Variants in NRXN3 observed in about 807,000 individuals in gnomAD.
NRXN3 encodes the protein neurexin III.
Under a neutral mutation model 137.6 loss-of-function variants are expected in NRXN3, and 32 were observed. The ratio of observed to expected loss-of-function variants is 0.23; its 90% CI spans 0.18 to 0.31. The LOEUF (loss-of-function observed/expected upper bound fraction) is 0.31, where lower values mean the gene tolerates loss of function less well. Ranked by LOEUF, NRXN3 falls within the 10% of genes least tolerant of loss-of-function variation. The pLI, the probability that NRXN3 is intolerant of heterozygous loss-of-function variation, is 1.00. For missense variants in NRXN3, 1,574 were observed against 2,062.5 expected, an observed-to-expected ratio of 0.76 and a Z score of 4.59; for synonymous variants, 798 against 784.5, an observed-to-expected ratio of 1.02 and a Z score of -0.29.
intron 15 of NRXN3, among the ~76,000 whole-genome samples, chr14:79,176,836 C>G (rs905127391): frequency 6.6e-6 from 1 of 152,178 alleles, no homozygotes; most frequent in Non-Finnish European, 1.5e-5. Flanking sequence ...TGACTCTTCA[C>G]CCATCAGAAA....
chr14:79,385,204 TCC>T (rs557799323), intron 15 of NRXN3, among the ~76,000 whole-genome samples: 5 of 90,504 alleles, frequency 5.5e-5, no homozygotes, highest in African/African-American at 1.8e-4. Flanking sequence ...ATGCTATCCT[TCC>T]CCCCGCCCCC....
At chr14:78,374,646 T>C (rs1376735847) in intron 4 of NRXN3, among the ~76,000 whole-genome samples, 1 of 151,892 alleles carries the variant, frequency 6.6e-6, no homozygotes, top group Non-Finnish European at 1.5e-5. Context: ...ATCCTTCGCC[T>C]ATAATCCCAG....
intron 15 of NRXN3, among the ~76,000 whole-genome samples, chr14:79,169,928 A>G (rs2061621095): frequency 6.6e-6 from 1 of 152,030 alleles, no homozygotes; most frequent in Non-Finnish European, 1.5e-5. Context: ...TACAGAATAC[A>G]TTGTTCTTTG....
intron 15 of NRXN3, among the ~76,000 whole-genome samples, chr14:79,463,190 C>A (rs1297733007): frequency 6.6e-6 from 1 of 152,192 alleles, no homozygotes; most frequent in African/African-American, 2.4e-5. Flanking sequence ...AATTTAAGAA[C>A]CTTGGAGAAA....
chr14:78,218,612 A>G lies in NRXN3; in HGVS notation c.-703-23779A>G, dbSNP rs74065917. ...ATACCAAAGGCCCCAGGAGTCCTCA[A>G]TCAGTTGCTAAGAAGAATGAAATTG... On this transcript the variant is annotated intron_variant, in intron 1 of 20. Transcript: ENST00000335750. Among the ~76,000 whole-genome samples, 1,071 of 152,314 alleles carry G rather than the reference A, an allele frequency of 7.0e-3. 12 individuals are homozygous for G. The highest frequency in any genetic ancestry group is 0.025 in the African/African-American group (1,024 of 41,558).
At chr14:78,297,887 C>A (rs1372680220) in intron 4 of NRXN3, 27 bp downstream of exon 4, 2 of 1,536,186 alleles carry the variant, frequency 1.3e-6, no homozygotes, top group Non-Finnish European at 1.7e-6. Flanking sequence ...TGTGGTCCTG[C>A]AGCTGCCTGA....
chr14:79,359,775 T>C (rs1478848888), intron 15 of NRXN3, among the ~76,000 whole-genome samples: 2 of 151,970 alleles, frequency 1.3e-5, no homozygotes, highest in Non-Finnish European at 2.9e-5. Context: ...TTCACCATGT[T>C]GAGCAGAGCA....
chr14:78,437,204 A>G (rs2094097435), intron 4 of NRXN3, among the ~76,000 whole-genome samples: 1 of 152,202 alleles, frequency 6.6e-6, no homozygotes, highest in South Asian at 2.1e-4. Context: ...TGAAGAAACC[A>G]AGGCATGGAA....
At chr14:78,706,111 A>G (rs1354889714) in intron 6 of NRXN3, among the ~76,000 whole-genome samples, 1 of 151,996 alleles carries the variant, frequency 6.6e-6, no homozygotes, top group East Asian at 1.9e-4. Flanking sequence ...TTATTGTTCC[A>G]TGGAGCCAAA....
chr14:79,829,567 G>A (rs2099316451), intron 20 of NRXN3, among the ~76,000 whole-genome samples: 1 of 152,156 alleles, frequency 6.6e-6, no homozygotes, highest in African/African-American at 2.4e-5. Flanking sequence ...GCAGCAACCT[G>A]AATCAGTTAT....
intron 15 of NRXN3, among the ~76,000 whole-genome samples, chr14:79,074,003 A>C (rs558877301): frequency 2.0e-5 from 3 of 152,334 alleles, no homozygotes; most frequent in Non-Finnish European, 4.4e-5. Context: ...GGCACAATAT[A>C]CATTTTTGTT....
At chr14:78,580,520 C>A (rs933206763) in intron 4 of NRXN3, among the ~76,000 whole-genome samples, 30 of 152,160 alleles carry the variant, frequency 2.0e-4, no homozygotes, top group Non-Finnish European at 7.3e-5. Flanking sequence ...CCCTGTGTGT[C>A]CTTTCCCTCC....
chr14:79,805,070 C>A, intron 19 of NRXN3, 42 bp from the exon 20 acceptor site: 1 of 1,392,070 alleles, frequency 7.2e-7, no homozygotes, highest in Non-Finnish European at 1.0e-6. Context: ...TCTCTCTTCT[C>A]TCTCTTCCCC....
At chr14:79,389,901 A>T (rs2094783651) in intron 15 of NRXN3, among the ~76,000 whole-genome samples, 1 of 152,214 alleles carries the variant, frequency 6.6e-6, no homozygotes, top group Admixed American at 6.5e-5. Context: ...GAATTTTAAA[A>T]AGTTGTTTCT....
At chr14:78,884,331 A>G (rs2099137192) in intron 10 of NRXN3, among the ~76,000 whole-genome samples, 1 of 152,230 alleles carries the variant, frequency 6.6e-6, no homozygotes, top group South Asian at 2.1e-4. Flanking sequence ...TAGTTTAAAG[A>G]AAACAGCAGT....
At chr14:78,699,899 G>A (rs2098262911) in intron 6 of NRXN3, among the ~76,000 whole-genome samples, 1 of 152,136 alleles carries the variant, frequency 6.6e-6, no homozygotes, top group Admixed American at 6.5e-5. Context: ...CTAAATACAG[G>A]GAATGCATTG....
rs747845710 is a variant in NRXN3 at position 79,145,149 on chromosome 14, G to A, written c.3262+157008G>A. ...GAGTTTTCCTGAGTATTATGTGCAC[G>A]CTTAGTACAGTCATTGAGATACATA... On this transcript the variant is annotated intron_variant, in intron 15 of 20. Coordinates refer to ENST00000335750, the MANE Select transcript of NRXN3 (RefSeq NM_001330195.2). Among the ~76,000 whole-genome samples the A allele has an allele frequency of 5.9e-4, 90 of 152,138 alleles. 1 individual carries two copies. The Middle Eastern group carries it at 0.014, about 23-fold the overall frequency.
chr14:78,173,343 G>A (rs1312962666), intron 1 of NRXN3, among the ~76,000 whole-genome samples: 2 of 152,056 alleles, frequency 1.3e-5, no homozygotes, highest in East Asian at 3.9e-4. Context: ...TGGTGAGGGG[G>A]CTTGGTCGTA....
intron 10 of NRXN3, among the ~76,000 whole-genome samples, chr14:78,820,425 T>A (rs370015839): frequency 6.6e-5 from 8 of 120,962 alleles, no homozygotes; most frequent in Admixed American, 8.9e-5. Context: ...ATGTTATTTC[T>A]AAAAAAAAAA....
Sources: allele counts gnomAD v4.1 joint callset (sites outside exome capture counted in the v4.1 genomes callset), GRCh38; gene constraint gnomAD v4.1.1; transcripts MANE v1.5; gene names NCBI Gene and HGNC (gene_info 2026-07-23, HGNC 2026-07-21).